Variants in RGL1 observed in about 807,000 individuals in gnomAD.
The protein encoded by RGL1 is ral guanine nucleotide dissociation stimulator-like 1.
RGL1 carries 24 observed loss-of-function variants against 95.2 expected under a neutral mutation model. The ratio of observed to expected loss-of-function variants is 0.25; its 90% CI spans 0.18 to 0.35. RGL1 has a LOEUF of 0.35. Ranked by LOEUF, RGL1 falls within the 10% of genes least tolerant of loss-of-function variation. The pLI is 1.00. For synonymous variants in RGL1, 329 were observed against 344.9 expected (o/e 0.95, Z 0.51); for missense variants, 715 against 936.3 (o/e 0.76, Z 3.08).
At chr1:183,857,489 T>C (rs1040422594) in intron 3 of RGL1, among the ~76,000 whole-genome samples, 6 of 152,340 alleles carry the variant, frequency 3.9e-5, no homozygotes, top group African/African-American at 1.4e-4. Context: ...CTGAAAAATC[T>C]AGTGGCCATA....
chr1:183,722,074 CA>C (rs1656041379), intron 1 of RGL1, among the ~76,000 whole-genome samples: 1 of 151,674 alleles, frequency 6.6e-6, no homozygotes, highest in Admixed American at 6.6e-5. Context: ...TAGGGAATAC[CA>C]ATATTTATGG....
chr1:183,716,324 T>C (rs1308556303), intron 1 of RGL1, among the ~76,000 whole-genome samples: 2 of 152,212 alleles, frequency 1.3e-5, no homozygotes, highest in African/African-American at 4.8e-5. Context: ...TTATAACAAA[T>C]AGACTCCAAA....
chr1:183,734,541 A>G (rs1363604929), intron 1 of RGL1, among the ~76,000 whole-genome samples: 1 of 152,210 alleles, frequency 6.6e-6, no homozygotes, highest in Non-Finnish European at 1.5e-5. Context: ...AAGGATTGCT[A>G]TGATCTAAAT....
At chr1:183,753,889 T>C (rs1272965246) in intron 2 of RGL1, among the ~76,000 whole-genome samples, 1 of 152,128 alleles carries the variant, frequency 6.6e-6, no homozygotes, top group Non-Finnish European at 1.5e-5. Context: ...ATCTGTTGTT[T>C]CTTTTGGCTC....
At chr1:183,741,639 A>G (rs1657312717) in intron 1 of RGL1, among the ~76,000 whole-genome samples, 1 of 152,234 alleles carries the variant, frequency 6.6e-6, no homozygotes, top group African/African-American at 2.4e-5. Flanking sequence ...CTTAAGGTTA[A>G]CAGCCAAACT....
At position 183,888,824 on chromosome 1, in the gene RGL1, G is replaced by A. The variant is rs140053819; in HGVS notation, c.1055+247G>A. 5.0e-3 allele frequency among the ~76,000 whole-genome samples: 762 copies of A among 152,212 alleles called. 8 individuals are homozygous for A. The highest frequency in any genetic ancestry group is 0.014 in the African/African-American group (584 of 41,536). On this transcript the variant is annotated intron_variant, in intron 8 of 17. Coordinates refer to ENST00000360851, the MANE Select transcript of RGL1 (RefSeq NM_001297671.3). ...TGGCTTTGGGGATGATTTGAAGGAT[G>A]TGCTTATTATCTGGATTTTGAGGGA...
chr1:183,747,066 T>C (rs961103287), intron 2 of RGL1, among the ~76,000 whole-genome samples: 1 of 152,194 alleles, frequency 6.6e-6, no homozygotes, highest in South Asian at 2.1e-4. Flanking sequence ...TGATGGGCAT[T>C]TGGGTTGGTT....
intron 3 of RGL1, among the ~76,000 whole-genome samples, chr1:183,859,350 A>G (rs181219385): frequency 5.9e-5 from 9 of 152,354 alleles, no homozygotes; most frequent in Admixed American, 3.3e-4. Flanking sequence ...TGCGTGAGAT[A>G]TAAGTTGTGG....
intron 3 of RGL1, among the ~76,000 whole-genome samples, chr1:183,861,040 T>C (rs538226190): frequency 2.2e-4 from 33 of 152,308 alleles, no homozygotes; most frequent in African/African-American, 7.7e-4. Flanking sequence ...GAGGGCATGT[T>C]ACTTAATTTA....
At chr1:183,922,998 G>T (rs913794481) in intron 17 of RGL1, among the ~76,000 whole-genome samples, 16 of 152,130 alleles carry the variant, frequency 1.1e-4, no homozygotes, top group African/African-American at 3.1e-4. Context: ...TGAATTTGGG[G>T]ATTGTATTTG....
chr1:183,903,271 C>T (rs1668128940), intron 12 of RGL1, among the ~76,000 whole-genome samples: 1 of 151,940 alleles, frequency 6.6e-6, no homozygotes, highest in Non-Finnish European at 1.5e-5. Flanking sequence ...AGGAAATGGC[C>T]TTCGTCTTCG....
At chr1:183,856,921 A>C (rs1198307866) in intron 3 of RGL1, among the ~76,000 whole-genome samples, 1 of 152,152 alleles carries the variant, frequency 6.6e-6, no homozygotes, top group Non-Finnish European at 1.5e-5. Flanking sequence ...TAGCTCAGAA[A>C]ACAATAGAAG....
At chr1:183,699,311 G>T (rs983658607) in intron 1 of RGL1, among the ~76,000 whole-genome samples, 1 of 152,082 alleles carries the variant, frequency 6.6e-6, no homozygotes, top group Non-Finnish European at 1.5e-5. Flanking sequence ...AAACTATATT[G>T]TAGTCCCATC....
chr1:183,751,707 G>T (rs1377050054), intron 2 of RGL1, among the ~76,000 whole-genome samples: 1 of 152,212 alleles, frequency 6.6e-6, no homozygotes, highest in African/African-American at 2.4e-5. Flanking sequence ...TTCCTGGCCT[G>T]TGGGTTGCAA....
chr1:183,688,724 CT>C (rs1322935821), intron 1 of RGL1, among the ~76,000 whole-genome samples: 1 of 152,080 alleles, frequency 6.6e-6, no homozygotes. Context: ...AATAAGTCCC[CT>C]TTCCAGATAT....
intron 2 of RGL1, among the ~76,000 whole-genome samples, chr1:183,834,458 C>T (rs1325252412): frequency 1.3e-5 from 2 of 152,118 alleles, no homozygotes; most frequent in Admixed American, 1.3e-4. Flanking sequence ...ATCAGTTCTG[C>T]AACTCCCTCT....
chr1:183,888,400 A>G, intron 7 of RGL1, 74 bp from the exon 8 acceptor site: 6 of 907,488 alleles, frequency 6.6e-6, no homozygotes, highest in Admixed American at 1.8e-5. Flanking sequence ...TGATACCTCT[A>G]AAACAGGAAA....
intron 1 of RGL1, among the ~76,000 whole-genome samples, chr1:183,696,864 A>T (rs780169798): frequency 3.3e-5 from 5 of 152,150 alleles, no homozygotes; most frequent in African/African-American, 1.2e-4. Flanking sequence ...AATCTGACCA[A>T]TTCTTGCCAC....
chr1:183,924,930 C>T (rs1669530426), intron 17 of RGL1, among the ~76,000 whole-genome samples: 1 of 151,912 alleles, frequency 6.6e-6, no homozygotes, highest in South Asian at 2.1e-4. Flanking sequence ...TGTGCCACTG[C>T]ACTGCAGCCT....
Sources: gnomAD v4.1 joint callset for allele counts (sites outside exome capture counted in the v4.1 genomes callset) on GRCh38, gnomAD v4.1.1 for gene constraint, MANE v1.5 for transcripts, NCBI Gene and HGNC (gene_info 2026-07-23, HGNC 2026-07-21) for gene names.